Variants in RPS6KA2 observed in about 807,000 individuals in gnomAD.
RPS6KA2 encodes the protein ribosomal protein S6 kinase alpha-2.
A neutral mutation model predicts 91.8 loss-of-function variants in RPS6KA2; 42 were observed. The observed-to-expected ratio is 0.46, with a 90% confidence interval of 0.36 to 0.59. The LOEUF is 0.59. Ranked by LOEUF, RPS6KA2 falls within the 20% of genes least tolerant of loss-of-function variation. The probability of loss-of-function intolerance (pLI) is 0.00; values close to 1 mark genes in which losing one functional copy is unlikely to be tolerated. For synonymous variants in RPS6KA2, 414 were observed against 393.6 expected, an observed-to-expected ratio of 1.05 and a Z score of -0.61; for missense variants, 798 against 978.5, an observed-to-expected ratio of 0.82 and a Z score of 2.46.
upstream of RPS6KA2, among the ~76,000 whole-genome samples, chr6:166,628,898 A>C (rs1051734810): frequency 2.6e-5 from 4 of 152,248 alleles, no homozygotes; most frequent in Non-Finnish European, 4.4e-5. Flanking sequence ...TTAAAAACAG[A>C]AGTGCAGGAC....
intron 2 of RPS6KA2, among the ~76,000 whole-genome samples, chr6:166,807,585 C>T (rs1362046024): frequency 6.6e-6 from 1 of 151,834 alleles, no homozygotes; most frequent in Non-Finnish European, 1.5e-5. Flanking sequence ...GAGTAGCAGC[C>T]CCATTCCTAC....
At chr6:166,429,473 CA>C (rs1779048975) in intron 16 of RPS6KA2, among the ~76,000 whole-genome samples, 1 of 152,046 alleles carries the variant, frequency 6.6e-6, no homozygotes, top group African/African-American at 2.4e-5. Flanking sequence ...AAATTTGAGA[CA>C]GAGTTTTGCT....
At chr6:166,702,457 C>T (rs1789554629) in intron 2 of RPS6KA2, 7 of 1,587,774 alleles carry the variant, frequency 4.4e-6, no homozygotes, top group Non-Finnish European at 5.2e-6. Flanking sequence ...TTGGTCCTTA[C>T]TGGAATAGGT....
At chr6:166,709,976 C>T (rs1252942867) in intron 2 of RPS6KA2, among the ~76,000 whole-genome samples, 1 of 152,136 alleles carries the variant, frequency 6.6e-6, no homozygotes, top group East Asian at 1.9e-4. Context: ...TTCATGTACG[C>T]CATATTCTAT....
chr6:166,421,796 G>A (rs911267551), intron 17 of RPS6KA2, among the ~76,000 whole-genome samples: 1 of 152,154 alleles, frequency 6.6e-6, no homozygotes, highest in Non-Finnish European at 1.5e-5. Context: ...AAGAACTTAT[G>A]AGGGATGAGG....
rs903661297 is a variant in RPS6KA2, at chr6:166,590,761, TA to T, written c.99+36159del. Among the ~76,000 whole-genome samples the T allele has an allele frequency of 5.4e-5, 8 of 148,788 alleles. No individual in the cohort carries two copies. In the South Asian group the frequency reaches 1.1e-3, roughly 20 times the overall value. On this transcript the variant is annotated intron_variant, in intron 1 of 20. Transcript: ENST00000265678. ...CACAATAAAACTCATTTTAAAAAAT[TA>T]AAAAAAAAACCTCATTGAGGCAGTG... is the stretch of plus-strand genomic sequence containing the variant.
In RPS6KA2 at chr6:166,821,490, C is replaced by T. The variant is rs372546320; in HGVS notation, c.123+36710G>A. 5.5e-4 allele frequency among the ~76,000 whole-genome samples: 84 copies of T among 152,260 alleles called. 1 individual carries two copies. Among genetic ancestry groups the T allele is most frequent in the African/African-American group, 1.8e-3 (73 of 41,538 alleles). On this transcript the variant is annotated intron_variant, in intron 2 of 21. Transcript: ENST00000503859. This position sits in a 1 kb window ranked among gnomAD's most constrained non-coding sequence, Gnocchi z 4.1. ...CAGAAATCCCGGCTTCTCCTGTAAACGCTGCAGTCAGTCTCCATCCTTAGC... is the reference window on the plus strand; with the variant it reads ...CAGAAATCCCGGCTTCTCCTGTAAATGCTGCAGTCAGTCTCCATCCTTAGC...
intron 1 of RPS6KA2, among the ~76,000 whole-genome samples, chr6:166,861,088 C>T (rs1417233496): frequency 6.6e-6 from 1 of 152,200 alleles, no homozygotes; most frequent in Non-Finnish European, 1.5e-5. Context: ...TTTAGCTTGG[C>T]TTTCCAAGAA....
chr6:166,510,281 A>G lies in RPS6KA2; in HGVS notation c.375T>C (p.His125=). 6.3e-7 allele frequency: 1 copy of G among 1,593,994 alleles called. No homozygotes were observed. The highest frequency in any genetic ancestry group is 8.6e-7 in the Non-Finnish European group (1 of 1,164,530). Residue 125 remains histidine, a synonymous_variant, in exon 4 of 21, where the codon CAT becomes CAC. Coordinates refer to ENST00000265678, the MANE Select transcript of RPS6KA2 (RefSeq NM_021135.6). ...TGTCATTTTGACTCTACTTACCATAATGAAGCTTCACAATGAAGGGGTGAT... is the reference window on the plus strand; with the variant it reads ...TGTCATTTTGACTCTACTTACCATAGTGAAGCTTCACAATGAAGGGGTGAT... ...EVNHPFIVKL[H]YAFQTEGKLY... is the part of the protein sequence containing the mutation.
At chr6:166,596,089 C>T (rs901682857) in intron 1 of RPS6KA2, among the ~76,000 whole-genome samples, 4 of 152,156 alleles carry the variant, frequency 2.6e-5, no homozygotes, top group African/African-American at 9.7e-5. Flanking sequence ...CACTGTGATG[C>T]CAGGCAAACT....
At chr6:166,614,654 CG>C (rs1786335683) in intron 1 of RPS6KA2, among the ~76,000 whole-genome samples, 1 of 152,244 alleles carries the variant, frequency 6.6e-6, no homozygotes, top group Admixed American at 6.5e-5. Context: ...TTGTGGAGAT[CG>C]GAAGTTCGGG....
At chr6:166,420,880 T>A (rs1283659024) in intron 17 of RPS6KA2, among the ~76,000 whole-genome samples, 13 of 152,322 alleles carry the variant, frequency 8.5e-5, no homozygotes, top group Admixed American at 5.2e-4. Flanking sequence ...TAGTTACAGT[T>A]GAATAACAAC....
chr6:166,844,689 A>G (rs1583173683), intron 2 of RPS6KA2, among the ~76,000 whole-genome samples: 1 of 152,376 alleles, frequency 6.6e-6, no homozygotes, highest in East Asian at 1.9e-4. Flanking sequence ...TAAATGAAGG[A>G]AAGATACAAT....
upstream of RPS6KA2, among the ~76,000 whole-genome samples, chr6:166,630,191 C>A (rs539517478): frequency 6.6e-5 from 10 of 152,322 alleles, no homozygotes; most frequent in South Asian, 1.5e-3. Flanking sequence ...GGTTTCCCAT[C>A]TCTCCCTGCT....
chr6:166,429,848 C>T (rs1779060568), intron 16 of RPS6KA2, among the ~76,000 whole-genome samples: 1 of 152,130 alleles, frequency 6.6e-6, no homozygotes, highest in Admixed American at 6.5e-5. Context: ...ATGTGAGATG[C>T]ACATGTTAAT....
At chr6:166,580,015 T>C (rs1784956409) in intron 1 of RPS6KA2, among the ~76,000 whole-genome samples, 1 of 152,242 alleles carries the variant, frequency 6.6e-6, no homozygotes. Context: ...AGTTCAGCAT[T>C]GAACATGCTT....
At chr6:166,691,311 C>T (rs1046567822) in intron 2 of RPS6KA2, among the ~76,000 whole-genome samples, 2 of 152,152 alleles carry the variant, frequency 1.3e-5, no homozygotes, top group African/African-American at 4.8e-5. Flanking sequence ...CATCTTATGA[C>T]TCACTCATGC....
At chr6:166,755,356 T>G (rs1256983212) in intron 2 of RPS6KA2, among the ~76,000 whole-genome samples, 19 of 152,144 alleles carry the variant, frequency 1.2e-4, no homozygotes. Context: ...CCTAGATGCA[T>G]TCTGTTCAGG....
In RPS6KA2 at chr6:166,563,385, T is replaced by G. The variant is rs944481557; in HGVS notation, c.100-24601A>C. Among the ~76,000 whole-genome samples, 1 of 152,210 alleles carries G rather than the reference T, an allele frequency of 6.6e-6. No individual in the cohort carries two copies. Among genetic ancestry groups the G allele is most frequent in the African/African-American group, 2.4e-5 (1 of 41,452 alleles). On this transcript the variant is annotated intron_variant, in intron 1 of 20. Coordinates refer to ENST00000265678, the MANE Select transcript of RPS6KA2 (RefSeq NM_021135.6). This position sits in a 1 kb window ranked among gnomAD's most constrained non-coding sequence, Gnocchi z 4.1. ...TTCCCGGCTTTTCCTCCCAGTCTCC[T>G]GGGCTCGCCGCCAGCGGTGGGATCC...
Sources: allele counts gnomAD v4.1 joint callset (sites outside exome capture counted in the v4.1 genomes callset), GRCh38; gene constraint gnomAD v4.1.1; non-coding constraint Gnocchi (gnomAD v3.1); transcripts MANE v1.5; gene names NCBI Gene and HGNC (gene_info 2026-07-23, HGNC 2026-07-21).